SLC16A10: variants seen among roughly 807,000 people sequenced by gnomAD.
The protein encoded by SLC16A10 is solute carrier family 16 member 10.
A neutral mutation model predicts 40.0 loss-of-function variants in SLC16A10; 27 were observed. The ratio of observed to expected loss-of-function variants is 0.67; its 90% CI spans 0.50 to 0.93. The LOEUF (loss-of-function observed/expected upper bound fraction) is 0.93. Among genes scored for constraint, SLC16A10 ranks in the 40% least tolerant of loss-of-function variants. SLC16A10 has a pLI of 0.00. For missense variants in SLC16A10, 529 were observed against 658.2 expected, an observed-to-expected ratio of 0.80 and a Z score of 2.15; for synonymous variants, 213 against 249.8, an observed-to-expected ratio of 0.85 and a Z score of 1.39.
At chr6:111,132,110 C>T (rs1771793607) in intron 1 of SLC16A10, among the ~76,000 whole-genome samples, 1 of 152,086 alleles carries the variant, frequency 6.6e-6, no homozygotes, top group Admixed American at 6.5e-5. Context: ...GCATACAGCT[C>T]TCAACATGGG....
chr6:111,161,956 C>G (rs575531881), intron 1 of SLC16A10, among the ~76,000 whole-genome samples: 1 of 152,234 alleles, frequency 6.6e-6, no homozygotes, highest in East Asian at 1.9e-4. Flanking sequence ...CATCACCCAT[C>G]CCTTTTGTTT....
intron 1 of SLC16A10, among the ~76,000 whole-genome samples, chr6:111,111,036 A>C (rs895582533): frequency 3.9e-5 from 6 of 152,168 alleles, no homozygotes; most frequent in African/African-American, 1.4e-4. Context: ...ATTTTGGTCA[A>C]CTTACTGTAA....
chr6:111,177,285 T>C lies in SLC16A10; in HGVS notation c.562T>C (p.Leu188=), dbSNP rs150478295. 3,601 of 1,609,460 alleles carry C rather than the reference T, an allele frequency of 2.2e-3. 9 individuals are homozygous for C. The highest frequency in any genetic ancestry group is 6.3e-3 in the South Asian group (568 of 90,474). The part of the protein sequence containing the change: ...CGCSFAYQPS[L]VILGHYFKKR... Reference sequence around the variant, plus strand: ...CTGCTCCTTTGCATACCAGCCTTCATTGGTCATTTTGGGACACTATTTCAA... The same window carrying C: ...CTGCTCCTTTGCATACCAGCCTTCACTGGTCATTTTGGGACACTATTTCAA... The change falls in exon 3 of 6, where the codon TTG becomes CTG. Residue 188 remains leucine, a synonymous_variant. Transcript: ENST00000368851.
intron 3 of SLC16A10, among the ~76,000 whole-genome samples, chr6:111,206,193 C>T (rs1773250255): frequency 6.6e-6 from 1 of 151,762 alleles, no homozygotes; most frequent in African/African-American, 2.4e-5. Flanking sequence ...TCTCCTGCCT[C>T]AGCCTCCCGA....
chr6:111,120,795 A>C (rs1771569984), intron 1 of SLC16A10, among the ~76,000 whole-genome samples: 1 of 152,224 alleles, frequency 6.6e-6, no homozygotes, highest in South Asian at 2.1e-4. Flanking sequence ...TCGATGTCCC[A>C]ATCATTGTGG....
At chr6:111,197,790 A>G (rs1034008759) in intron 3 of SLC16A10, among the ~76,000 whole-genome samples, 1 of 152,140 alleles carries the variant, frequency 6.6e-6, no homozygotes, top group Admixed American at 6.5e-5. Context: ...GAGCAAGAGT[A>G]TGGGTGGGGA....
intron 2 of SLC16A10, among the ~76,000 whole-genome samples, chr6:111,176,331 A>T (rs1772683936): frequency 6.6e-6 from 1 of 152,204 alleles, no homozygotes. Context: ...TTTCTAACAA[A>T]TTGTTTGCTT....
chr6:111,129,430 A>G (rs546954298), intron 1 of SLC16A10, among the ~76,000 whole-genome samples: 61 of 152,402 alleles, frequency 4.0e-4, no homozygotes, highest in African/African-American at 1.4e-3. Context: ...GCAATGCATT[A>G]TAATTTGTCA....
intron 1 of SLC16A10, among the ~76,000 whole-genome samples, chr6:111,101,692 G>A (rs1428563648): frequency 2.6e-5 from 4 of 152,048 alleles, no homozygotes; most frequent in East Asian, 1.9e-4. Flanking sequence ...GCACGATCAC[G>A]GCTCACTGCA....
intron 3 of SLC16A10, among the ~76,000 whole-genome samples, chr6:111,186,116 TCTCAAACTTCTGTG>T (rs1363492371): frequency 6.6e-6 from 1 of 152,196 alleles, no homozygotes; most frequent in Non-Finnish European, 1.5e-5. Context: ...CCCAGGCTGG[TCTCAAACTTCTGTG>T]CTCAAACAAT....
intron 4 of SLC16A10, among the ~76,000 whole-genome samples, chr6:111,216,844 C>T (rs961648961): frequency 1.4e-4 from 21 of 152,264 alleles, no homozygotes; most frequent in African/African-American, 4.8e-4. Context: ...AAACAGTTTT[C>T]AGGAGCATGT....
At chr6:111,167,645 TTGTG>T (rs567857857) in intron 1 of SLC16A10, among the ~76,000 whole-genome samples, 1 of 149,238 alleles carries the variant, frequency 6.7e-6, no homozygotes, top group Non-Finnish European at 1.5e-5. Context: ...TATTTATTTA[TTGTG>T]TGTGTGTGTA....
intron 1 of SLC16A10, among the ~76,000 whole-genome samples, chr6:111,119,440 TTA>T (rs1393701259): frequency 6.6e-6 from 1 of 152,260 alleles, no homozygotes; most frequent in Non-Finnish European, 1.5e-5. Context: ...TACACAGTTT[TTA>T]TATGTTTTGA....
intron 2 of SLC16A10, among the ~76,000 whole-genome samples, chr6:111,175,589 A>C (rs1396149785): frequency 2.0e-5 from 3 of 152,250 alleles, no homozygotes; most frequent in Non-Finnish European, 4.4e-5. Context: ...CTTAGGTGGA[A>C]AAACTGATAC....
At chr6:111,097,871 C>A (rs1451354323) in intron 1 of SLC16A10, among the ~76,000 whole-genome samples, 1 of 151,978 alleles carries the variant, frequency 6.6e-6, no homozygotes, top group East Asian at 1.9e-4. Context: ...AATGAAAGGT[C>A]AATGATTAAA....
chr6:111,149,445 A>C (rs1461887971), intron 1 of SLC16A10, among the ~76,000 whole-genome samples: 1 of 152,244 alleles, frequency 6.6e-6, no homozygotes, highest in Non-Finnish European at 1.5e-5. Context: ...CTTGTTCATC[A>C]TAATGGATCA....
At position 111,228,381 on chromosome 6, in the gene SLC16A10, G is replaced by A. The variant is rs753872577; in HGVS notation, c.*6146G>A. On this transcript the variant is annotated 3_prime_UTR_variant, in exon 6 of 6. Transcript: ENST00000368851. ...AATGCTGTTCTTGAGTGTGGCAATA[G>A]TGTAGGAGTTAACCCAGTCTACCCA... 6.6e-6 allele frequency: 1 copy of A among 152,212 alleles called. No individual in the cohort carries two copies. The highest frequency in any genetic ancestry group is 1.5e-5 in the Non-Finnish European group (1 of 68,044). The allele number at this position is 152,212 out of a possible 1,614,324, so 9.4% of individuals were successfully genotyped here.
At chr6:111,169,499 C>T (rs1214627275) in intron 1 of SLC16A10, among the ~76,000 whole-genome samples, 1 of 152,236 alleles carries the variant, frequency 6.6e-6, no homozygotes, top group Non-Finnish European at 1.5e-5. Flanking sequence ...CCCCAGCCTC[C>T]ATCTCCCATG....
intron 1 of SLC16A10, among the ~76,000 whole-genome samples, chr6:111,121,786 T>C (rs188607315): frequency 7.5e-4 from 114 of 152,218 alleles, no homozygotes; most frequent in Non-Finnish European, 1.2e-3. Flanking sequence ...CTCAGAAGGG[T>C]CCCATACTTG....
Sources: gnomAD v4.1 joint callset for allele counts (sites outside exome capture counted in the v4.1 genomes callset) on GRCh38, gnomAD v4.1.1 for gene constraint, MANE v1.5 for transcripts, NCBI Gene and HGNC (gene_info 2026-07-23, HGNC 2026-07-21) for gene names.